The following NBEA variants were observed in gnomAD, a reference collection of about 807,000 sequenced individuals.
NBEA encodes the protein lysosomal-trafficking regulator 2.
In NBEA, 44 loss-of-function variants were observed where a neutral mutation model predicts 343.4. That is an observed-to-expected ratio of 0.13 (90% CI 0.10 to 0.16). The LOEUF is 0.16. Ranked by LOEUF, NBEA falls within the 10% of genes least tolerant of loss-of-function variation. The pLI, the probability that NBEA is intolerant of heterozygous loss-of-function variation, is 1.00. For missense variants in NBEA, 2,555 were observed against 3,631.3 expected, an observed-to-expected ratio of 0.70 and a Z score of 7.62; for synonymous variants, 1,175 against 1,238.7, an observed-to-expected ratio of 0.95 and a Z score of 1.08.
intron 10 of NBEA, among the ~76,000 whole-genome samples, chr13:35,081,791 A>G (rs1428160043): frequency 6.6e-6 from 1 of 152,046 alleles, no homozygotes; most frequent in Non-Finnish European, 1.5e-5. Flanking sequence ...TATTTTGTTG[A>G]TTAAAAATAC....
At chr13:35,108,256 C>G (rs1170751163) in intron 11 of NBEA, among the ~76,000 whole-genome samples, 1 of 151,806 alleles carries the variant, frequency 6.6e-6, no homozygotes, top group Non-Finnish European at 1.5e-5. Context: ...AGTGATACTA[C>G]AAAATAGTAT....
intron 35 of NBEA, among the ~76,000 whole-genome samples, chr13:35,294,720 G>A (rs377320033): frequency 4.3e-4 from 65 of 152,160 alleles, no homozygotes; most frequent in African/African-American, 1.5e-3. Context: ...AAAAAATTAT[G>A]ACCTGATACT....
intron 29 of NBEA, 58 bp downstream of exon 29, chr13:35,182,586 C>T: frequency 6.8e-7 from 1 of 1,464,616 alleles, no homozygotes; most frequent in Non-Finnish European, 9.3e-7. Context: ...CTTTTTTTCA[C>T]CTTTACATCT....
chr13:34,998,427 T>C (rs113633415), intron 1 of NBEA, among the ~76,000 whole-genome samples: 2,344 of 152,196 alleles, frequency 0.015, 64 homozygotes, highest in African/African-American at 0.054. Context: ...ATTTTTTAGG[T>C]GGGAATTTCC....
intron 41 of NBEA, among the ~76,000 whole-genome samples, chr13:35,514,534 CA>C (rs1186414621): frequency 6.6e-6 from 1 of 151,894 alleles, no homozygotes; most frequent in Non-Finnish European, 1.5e-5. Context: ...ACTCTTGATG[CA>C]AAAGCCTACT....
intron 38 of NBEA, among the ~76,000 whole-genome samples, chr13:35,361,422 A>C (rs1594351056): frequency 6.6e-6 from 1 of 152,134 alleles, no homozygotes; most frequent in East Asian, 1.9e-4. Context: ...ACAACAGTGC[A>C]AAGGCAATGT....
chr13:34,984,012 CTTTAG>C (rs1171963102), intron 1 of NBEA, among the ~76,000 whole-genome samples: 1 of 152,014 alleles, frequency 6.6e-6, no homozygotes, highest in Non-Finnish European at 1.5e-5. Context: ...TGCAGAAGCT[CTTTAG>C]TTTAATTAAT....
At chr13:35,479,774 T>G (rs2076046218) in intron 41 of NBEA, among the ~76,000 whole-genome samples, 1 of 152,158 alleles carries the variant, frequency 6.6e-6, no homozygotes, top group African/African-American at 2.4e-5. Context: ...GTAAATATAC[T>G]CAGTGCTACT....
intron 8 of NBEA, among the ~76,000 whole-genome samples, chr13:35,069,057 A>T (rs1386011820): frequency 6.6e-6 from 1 of 152,150 alleles, no homozygotes; most frequent in African/African-American, 2.4e-5. Context: ...CATGAAAAAG[A>T]TAATTAGTGG....
chr13:34,943,565 G>T (rs2059098434), intron 1 of NBEA, among the ~76,000 whole-genome samples: 1 of 152,170 alleles, frequency 6.6e-6, no homozygotes, highest in Non-Finnish European at 1.5e-5. Flanking sequence ...TGTGAGAAGC[G>T]CATTAGCTTC....
At chr13:35,278,547 T>C (rs1016056978) in intron 34 of NBEA, among the ~76,000 whole-genome samples, 1 of 152,236 alleles carries the variant, frequency 6.6e-6, no homozygotes, top group Admixed American at 6.5e-5. Context: ...TACCGCCAAA[T>C]ACTGCCTGTT....
intron 41 of NBEA, among the ~76,000 whole-genome samples, chr13:35,537,942 G>A (rs569647581): frequency 3.3e-5 from 5 of 152,086 alleles, no homozygotes; most frequent in African/African-American, 7.2e-5. Flanking sequence ...CTGCTTTCTC[G>A]CTGTGTTCTA....
At chr13:35,574,842 A>C (rs11147571) in intron 45 of NBEA, among the ~76,000 whole-genome samples, 38,051 of 151,190 alleles carry the variant, frequency 0.25, 5,121 homozygotes, top group East Asian at 0.35. Flanking sequence ...CTCCGCCTCC[A>C]GGGCTCAAGC....
At position 35,662,486 on chromosome 13, in the gene NBEA, C is replaced by T. The variant is rs76732381; in HGVS notation, c.8363-2599C>T. Among the ~76,000 whole-genome samples, 1,381 of 152,222 alleles carry T rather than the reference C, an allele frequency of 9.1e-3. 20 individuals carry two copies. Among genetic ancestry groups the T allele is most frequent in the African/African-American group, 0.032 (1,316 of 41,546 alleles). ...GGTGTGTGACATCTGTCCCTAGCAA[C>T]GAAATGAAATATAGGAAACAAGCTT... On this transcript the variant is annotated intron_variant, in intron 55 of 58. Coordinates refer to ENST00000379939, the MANE Select transcript of NBEA (RefSeq NM_001385012.1).
rs140968402 is a variant in NBEA at position 35,183,213 on chromosome 13, A to G, written c.4831+685A>G. 6.2e-3 allele frequency among the ~76,000 whole-genome samples: 942 copies of G among 152,110 alleles called. 12 individuals carry two copies. The highest frequency in any genetic ancestry group is 0.021 in the African/African-American group (892 of 41,542). On this transcript the variant is annotated intron_variant, in intron 29 of 58. Coordinates refer to ENST00000379939, the MANE Select transcript of NBEA (RefSeq NM_001385012.1). ...ACAGTTTCTGGCAACTAACATTTTA[A>G]TATTGGACACCTTCTATCATTATCA...
intron 1 of NBEA, among the ~76,000 whole-genome samples, chr13:35,020,993 T>C (rs576421011): frequency 4.3e-4 from 66 of 152,210 alleles, no homozygotes; most frequent in South Asian, 8.3e-4. Context: ...CATTCACATG[T>C]AGGATTGCTG....
chr13:35,617,776 A>T (rs1316223287), intron 48 of NBEA, among the ~76,000 whole-genome samples: 1 of 152,196 alleles, frequency 6.6e-6, no homozygotes, highest in Non-Finnish European at 1.5e-5. Context: ...GGAAATGATC[A>T]TACTGATCTC....
At chr13:35,653,121 G>A (rs78441117) in intron 53 of NBEA, among the ~76,000 whole-genome samples, 1 of 152,052 alleles carries the variant, frequency 6.6e-6, no homozygotes, top group East Asian at 1.9e-4. Flanking sequence ...TTAAATAATC[G>A]TGTACATATT....
At chr13:35,574,951 T>C (rs369742458) in intron 45 of NBEA, among the ~76,000 whole-genome samples, 2 of 152,188 alleles carry the variant, frequency 1.3e-5, no homozygotes, top group South Asian at 2.1e-4. Flanking sequence ...GGTTTCACCA[T>C]GTGGGCCAGG....
Sources: allele counts gnomAD v4.1 joint callset (sites outside exome capture counted in the v4.1 genomes callset), GRCh38; gene constraint gnomAD v4.1.1; transcripts MANE v1.5; gene names NCBI Gene and HGNC (gene_info 2026-07-23, HGNC 2026-07-21).